The following GRIPAP1 variants were observed in gnomAD, a reference collection of about 807,000 sequenced individuals.
The protein encoded by GRIPAP1 is GRIP1-associated protein 1.
GRIPAP1 carries 14 observed loss-of-function variants against 84.1 expected under a neutral mutation model. The observed-to-expected ratio is 0.17, with a 90% CI of 0.11 to 0.26. The LOEUF (loss-of-function observed/expected upper bound fraction) is 0.26. Among genes scored for constraint, GRIPAP1 ranks in the 10% least tolerant of loss-of-function variants. The pLI is 1.00. For missense variants in GRIPAP1, 518 were observed against 674.2 expected (o/e 0.77, Z 2.57); for synonymous variants, 261 against 256.8 (o/e 1.02, Z -0.15).
chrX:48,975,497 T>C, intron 24 of GRIPAP1, 188 bp from the exon 25 acceptor site: 1 of 402,415 alleles, frequency 2.5e-6, no homozygotes, highest in Non-Finnish European at 4.3e-6. Flanking sequence ...CCCCGAGAAA[T>C]GAGGATAACT....
chrX:48,993,210 T>C (rs1772675458), intron 6 of GRIPAP1, among the ~76,000 whole-genome samples: 1 of 113,166 alleles, frequency 8.8e-6, no homozygotes, highest in South Asian at 3.5e-4. Context: ...TATCACCTTT[T>C]ATCTCTACTA....
In GRIPAP1 at chrX:48,981,196, C is replaced by T; in HGVS notation, c.1930+19G>A. The stretch of plus-strand genomic sequence containing the variant: ...CCTCCCCCATGCCTCAGCCTCCTCT[C>T]CCTGTCCTAGTCCCTCACCTGAGCG... On this transcript the variant is annotated intron_variant, in intron 21 of 25. Coordinates refer to ENST00000376423, the MANE Select transcript of GRIPAP1 (RefSeq NM_020137.5). 8.5e-7 allele frequency: 1 copy of T among 1,181,219 alleles called. No individual in the cohort carries two copies. The highest frequency in any genetic ancestry group is 1.1e-6 in the Non-Finnish European group (1 of 871,188).
intron 21 of GRIPAP1, among the ~76,000 whole-genome samples, chrX:48,979,157 A>T (rs2064439350): frequency 9.1e-6 from 1 of 110,004 alleles, no homozygotes. Flanking sequence ...GACCCTGGTG[A>T]AAGAAGTGAG....
chrX:48,985,264 T>G lies in GRIPAP1; in HGVS notation c.1176+4A>C. The stretch of plus-strand genomic sequence containing the variant: ...AAGAGACAGGCCAGAGCCAAAGGTG[T>G]TACCTGGAGCTGGGAGTTGAGGTCA... On this transcript the variant is annotated splice_donor_region_variant and intron_variant, in intron 14 of 25. Transcript: ENST00000376423. The G allele has an allele frequency of 8.3e-7, 1 of 1,207,011 alleles. No individual in the cohort carries two copies. The highest frequency in any genetic ancestry group is 1.1e-6 in the Non-Finnish European group (1 of 891,623).
intron 1 of GRIPAP1, among the ~76,000 whole-genome samples, chrX:49,001,131 A>G (rs1328501964): frequency 1.8e-5 from 2 of 111,316 alleles, no homozygotes; most frequent in Non-Finnish European, 3.8e-5. Flanking sequence ...TACACCCTTC[A>G]GGGTAGGCCT....
At position 48,976,006 on chromosome X, in the gene GRIPAP1, G is replaced by A. The variant is rs782280197; in HGVS notation, c.2278+12C>T. On this transcript the variant is annotated intron_variant, in intron 24 of 25. Transcript: ENST00000376423. ...CTGGACCAGGGCTGAGGGCCGGGGA[G>A]GGGACACTGACCGATCCGGCTGTCC... 4.9e-5 allele frequency: 59 copies of A among 1,195,424 alleles called. No individual in the cohort carries two copies. The highest frequency in any genetic ancestry group is 6.5e-5 in the Non-Finnish European group (57 of 882,125).
At chrX:48,980,059 G>C (rs1189591503) in intron 21 of GRIPAP1, among the ~76,000 whole-genome samples, 1 of 111,480 alleles carries the variant, frequency 9.0e-6, no homozygotes, top group African/African-American at 3.3e-5. Flanking sequence ...TGGCAAGGGT[G>C]GGGTGACTGA....
At chrX:48,979,091 C>T (rs1437882093) in intron 21 of GRIPAP1, among the ~76,000 whole-genome samples, 3 of 109,821 alleles carry the variant, frequency 2.7e-5, no homozygotes, top group Non-Finnish European at 5.7e-5. Flanking sequence ...AGGGCACATC[C>T]ACTTGCAGAA....
chrX:48,985,206 G>A lies in GRIPAP1; in HGVS notation c.1176+62C>T, dbSNP rs191375537. Reference sequence around the variant, plus strand: ...CCAGTCTTCCCACTCCACCTTACTGGGGACTTCACTGGGCCATTACTAGGG... The same window carrying A: ...CCAGTCTTCCCACTCCACCTTACTGAGGACTTCACTGGGCCATTACTAGGG... On this transcript the variant is annotated intron_variant, in intron 14 of 25. Transcript: ENST00000376423. 647 of 1,054,503 alleles carry A rather than the reference G, an allele frequency of 6.1e-4. 5 individuals are homozygous for A. The East Asian group carries it at 0.019, about 30-fold the overall frequency. The allele number at this position is 1,054,503 out of a possible 1,213,427, so 86.9% of individuals were successfully genotyped here.
At position 48,974,195 on chromosome X, in the gene GRIPAP1, A is replaced by T; in HGVS notation, c.2524T>A (p.Ter842LysextTer26). The T allele has an allele frequency of 8.4e-7, 1 of 1,185,294 alleles. No homozygotes were observed. The change falls in exon 26 of 26, where the codon TAA becomes AAA. Residue 842 changes from the stop codon to lysine (K), a stop_lost. Coordinates refer to ENST00000376423, the MANE Select transcript of GRIPAP1 (RefSeq NM_020137.5). ...DPDLEPGETS[*>K] ...AGGTGGGTGCAGCCTGCAGGTCTTT[A>T]GCTGGTTTCTCCTGGCTCTAGGTCT... is the stretch of plus-strand genomic sequence containing the variant.
chrX:48,990,615 G>A (rs897976243), intron 8 of GRIPAP1, 70 bp downstream of exon 8: 4 of 920,918 alleles, frequency 4.3e-6, no homozygotes, highest in Non-Finnish European at 6.2e-6. Flanking sequence ...TTCTGCCCTA[G>A]GATTGGGAAT....
At position 48,990,689 on chromosome X, in the gene GRIPAP1, G is replaced by A. The variant is rs139901741; in HGVS notation, c.686C>T (p.Ala229Val). 1.7e-6 allele frequency: 2 copies of A among 1,197,563 alleles called. No individual in the cohort carries two copies. The highest frequency in any genetic ancestry group is 3.5e-5 in the African/African-American group (2 of 56,860). ...AETSRLQEEL[A>V]KLSEKLKKKQ... is the part of the protein sequence containing the mutation. ...GAAAGAGCCAAGCAGCCGCACCTTA[G>A]CAAGTTCCTCCTGCAGCCTGGATGT... The change falls in exon 8 of 26, where the codon GCT becomes GTT. Residue 229 changes from alanine (A) to valine (V), a missense_variant. Physicochemically the swap from Ala to Val is moderately conservative, Grantham distance 64. Transcript: ENST00000376423.
chrX:48,999,172 T>C (rs781865711), intron 3 of GRIPAP1, 66 bp downstream of exon 3: 1 of 803,926 alleles, frequency 1.2e-6, no homozygotes, highest in African/African-American at 2.0e-5. Context: ...ACTGGAGGGA[T>C]GAATGAGTCA....
At chrX:48,977,007 G>A (rs1254635419) in intron 22 of GRIPAP1, 1 of 109,770 alleles carries the variant, frequency 9.1e-6, no homozygotes, top group African/African-American at 3.3e-5. Flanking sequence ...CCAGGATCAA[G>A]CGATTCTCCT....
At chrX:48,983,141 C>T (rs782492696) in intron 16 of GRIPAP1, 49 bp from the exon 17 acceptor site, 3 of 1,116,844 alleles carry the variant, frequency 2.7e-6, no homozygotes, top group African/African-American at 3.6e-5. Flanking sequence ...GGAGCGGGCA[C>T]CTGATGCATG....
intron 14 of GRIPAP1, among the ~76,000 whole-genome samples, chrX:48,984,251 T>C (rs1381126413): frequency 9.0e-6 from 1 of 110,554 alleles, no homozygotes; most frequent in Non-Finnish European, 1.9e-5. Flanking sequence ...ACAAACATGA[T>C]GGTCGGGGAG....
At chrX:48,978,166 G>A (rs2064432828) in intron 22 of GRIPAP1, 139 bp downstream of exon 22, 3 of 605,206 alleles carry the variant, frequency 5.0e-6, no homozygotes, top group Admixed American at 7.0e-5. Flanking sequence ...AAGTTGGTGG[G>A]CTTGGGGAAA....
At position 48,981,208 on chromosome X, in the gene GRIPAP1, C is replaced by G. The variant is rs782257730; in HGVS notation, c.1930+7G>C. The G allele has an allele frequency of 1.7e-6, 2 of 1,195,958 alleles. No individual in the cohort carries two copies. Among genetic ancestry groups the G allele is most frequent in the East Asian group, 5.9e-5 (2 of 33,724 alleles). On this transcript the variant is annotated splice_region_variant and intron_variant, in intron 21 of 25. Transcript: ENST00000376423. ...CTCAGCCTCCTCTCCCTGTCCTAGT[C>G]CCTCACCTGAGCGGCTCTTGCTGTT...
At chrX:48,979,848 AG>A (rs1217339537) in intron 21 of GRIPAP1, among the ~76,000 whole-genome samples, 2 of 110,797 alleles carry the variant, frequency 1.8e-5, no homozygotes, top group African/African-American at 6.6e-5. Flanking sequence ...CCCTGACCTC[AG>A]GTGATCCACC....
Sources: allele counts gnomAD v4.1 joint callset (sites outside exome capture counted in the v4.1 genomes callset), GRCh38; gene constraint gnomAD v4.1.1; transcripts MANE v1.5; gene names NCBI Gene and HGNC (gene_info 2026-07-23, HGNC 2026-07-21).